Variants in GULP1 observed in about 807,000 individuals in gnomAD.
The protein encoded by GULP1 is GULP PTB domain containing engulfment adaptor 1.
In GULP1, 19 loss-of-function variants were observed where a neutral mutation model predicts 40.9. That is an observed-to-expected ratio of 0.46 (90% CI 0.32 to 0.68). The LOEUF (loss-of-function observed/expected upper bound fraction) is 0.68. Among genes scored for constraint, GULP1 ranks in the 30% least tolerant of loss-of-function variants. The pLI, the probability that GULP1 is intolerant of heterozygous loss-of-function variation, is 0.03. For synonymous variants in GULP1, 119 were observed against 117.6 expected (o/e 1.01, Z -0.08); for missense variants, 312 against 362.2 (o/e 0.86, Z 1.12).
intron 1 of GULP1, among the ~76,000 whole-genome samples, chr2:188,361,958 A>G (rs2046151677): frequency 6.6e-6 from 1 of 151,766 alleles, no homozygotes. Context: ...TATTGACAAA[A>G]TGTTTTTTGT....
chr2:188,350,228 T>C (rs2044259394), intron 1 of GULP1, among the ~76,000 whole-genome samples: 1 of 152,086 alleles, frequency 6.6e-6, no homozygotes, highest in South Asian at 2.1e-4. Flanking sequence ...TATCAATTTC[T>C]TCAAGAAAGG....
intron 4 of GULP1, among the ~76,000 whole-genome samples, chr2:188,520,501 G>C (rs1389273792): frequency 6.9e-6 from 1 of 144,982 alleles, no homozygotes; most frequent in Non-Finnish European, 1.5e-5. Flanking sequence ...CTGCACTCCA[G>C]CCTGGAAACA....
intron 5 of GULP1, among the ~76,000 whole-genome samples, chr2:188,524,692 C>T (rs1685706942): frequency 6.7e-6 from 1 of 150,328 alleles, no homozygotes; most frequent in South Asian, 2.1e-4. Context: ...AAGCCTGGCG[C>T]TACTGGCTCG....
At chr2:188,517,763 A>C (rs898851348) in intron 4 of GULP1, among the ~76,000 whole-genome samples, 2 of 151,860 alleles carry the variant, frequency 1.3e-5, no homozygotes, top group African/African-American at 2.4e-5. Flanking sequence ...GGAGGCTTAT[A>C]AGATTAGCAG....
At chr2:188,373,493 G>T in intron 1 of GULP1, among the ~76,000 whole-genome samples, 1 of 151,876 alleles carries the variant, frequency 6.6e-6, no homozygotes, top group Non-Finnish European at 1.5e-5. Flanking sequence ...TATAAAATAA[G>T]GTTGGATTTA....
intron 1 of GULP1, among the ~76,000 whole-genome samples, chr2:188,307,647 A>G (rs2037338287): frequency 6.6e-6 from 1 of 152,216 alleles, no homozygotes; most frequent in Non-Finnish European, 1.5e-5. Context: ...TATAAAGGAA[A>G]AAAGGCTAGT....
At chr2:188,580,674 C>G (rs1475268402) in intron 9 of GULP1, among the ~76,000 whole-genome samples, 1 of 151,910 alleles carries the variant, frequency 6.6e-6, no homozygotes, top group South Asian at 2.1e-4. Context: ...CACACTGAAC[C>G]CTTCCCTCAA....
intron 11 of GULP1, chr2:188,593,619 C>A (rs1363282278): frequency 6.1e-6 from 1 of 163,084 alleles, no homozygotes; most frequent in Non-Finnish European, 1.3e-5. Flanking sequence ...TTAAAGCTAA[C>A]AGATTTCATT....
At chr2:188,354,360 G>T (rs922852359) in intron 1 of GULP1, among the ~76,000 whole-genome samples, 2 of 152,172 alleles carry the variant, frequency 1.3e-5, no homozygotes, top group South Asian at 2.1e-4. Context: ...TGCTCTGAAG[G>T]TTTGCACCTG....
intron 7 of GULP1, among the ~76,000 whole-genome samples, chr2:188,566,034 A>G (rs1697572194): frequency 6.6e-6 from 1 of 152,130 alleles, no homozygotes; most frequent in Non-Finnish European, 1.5e-5. Context: ...GACTGAAAGT[A>G]GGCATAAGAG....
At position 188,526,603 on chromosome 2, in the gene GULP1, AAAAG is replaced by A. The variant is rs1011633377; in HGVS notation, c.163-2489_163-2486del. On this transcript the variant is annotated intron_variant, in intron 5 of 11. Transcript: ENST00000409830. ...ACAGTTAGCTTAAGTTTTAGGAAAAAAAAGAAAGGCAGGAAGGAGAATATTAAAC... is the reference window on the plus strand; with the variant it reads ...ACAGTTAGCTTAAGTTTTAGGAAAAAAAAGGCAGGAAGGAGAATATTAAAC... Among the ~76,000 whole-genome samples, 36 of 152,272 alleles carry A rather than the reference AAAAG, an allele frequency of 2.4e-4. 1 individual carries two copies. The highest frequency in any genetic ancestry group is 2.1e-4 in the South Asian group (1 of 4,826).
chr2:188,489,523 C>T (rs1400040205), intron 4 of GULP1, among the ~76,000 whole-genome samples: 1 of 151,762 alleles, frequency 6.6e-6, no homozygotes, highest in Non-Finnish European at 1.5e-5. Context: ...TTTAATAATG[C>T]TAATATATAT....
chr2:188,394,586 G>A (rs376740100), intron 2 of GULP1, among the ~76,000 whole-genome samples: 42 of 152,078 alleles, frequency 2.8e-4, no homozygotes, highest in East Asian at 7.7e-4. Context: ...TTTATAGTTG[G>A]GGGTATTATA....
At chr2:188,455,133 A>AAAAATAAAATAAAAT (rs1239187691) in intron 2 of GULP1, among the ~76,000 whole-genome samples, 1 of 152,104 alleles carries the variant, frequency 6.6e-6, no homozygotes, top group Non-Finnish European at 1.5e-5. Flanking sequence ...TCCTGTCTTC[A>AAAAATAAAATAAAAT]AAAATAAAAT....
intron 1 of GULP1, among the ~76,000 whole-genome samples, chr2:188,348,351 T>C (rs2043979541): frequency 6.6e-6 from 1 of 152,204 alleles, no homozygotes; most frequent in African/African-American, 2.4e-5. Context: ...AGCACTGGCC[T>C]TTTTACTGCC....
chr2:188,339,763 A>G (rs1377195204), intron 1 of GULP1, among the ~76,000 whole-genome samples: 1 of 152,192 alleles, frequency 6.6e-6, no homozygotes, highest in Admixed American at 6.5e-5. Context: ...GATTTTCTAC[A>G]TAATAAAAGC....
intron 1 of GULP1, among the ~76,000 whole-genome samples, chr2:188,327,807 C>CG (rs2040970385): frequency 2.0e-5 from 3 of 151,956 alleles, no homozygotes; most frequent in Non-Finnish European, 2.9e-5. Flanking sequence ...ATGAAAGTGG[C>CG]ATTTTTTGAG....
intron 6 of GULP1, among the ~76,000 whole-genome samples, chr2:188,535,999 A>G (rs998896405): frequency 6.6e-6 from 1 of 152,028 alleles, no homozygotes; most frequent in African/African-American, 2.4e-5. Context: ...TCTTCTTTAG[A>G]GAAGTGTCTG....
chr2:188,545,085 T>C (rs1559363624), intron 7 of GULP1, among the ~76,000 whole-genome samples: 1 of 151,960 alleles, frequency 6.6e-6, no homozygotes, highest in Non-Finnish European at 1.5e-5. Flanking sequence ...ATAATACTTT[T>C]TGAGTAATGG....
Sources: allele counts gnomAD v4.1 joint callset (sites outside exome capture counted in the v4.1 genomes callset), GRCh38; gene constraint gnomAD v4.1.1; transcripts MANE v1.5; gene names NCBI Gene and HGNC (gene_info 2026-07-23, HGNC 2026-07-21).